CHD2: variants seen among roughly 807,000 people sequenced by gnomAD.
The protein encoded by CHD2 is chromodomain helicase DNA binding protein 2, also known as ATP-dependent chromatin remodeler CHD2.
A neutral mutation model predicts 243.9 loss-of-function variants in CHD2; 28 were observed. The ratio of observed to expected loss-of-function variants is 0.11; its 90% confidence interval spans 0.09 to 0.16. The LOEUF (loss-of-function observed/expected upper bound fraction) is 0.16. Among genes scored for constraint, CHD2 ranks in the 10% least tolerant of loss-of-function variants. The pLI, the probability that CHD2 is intolerant of heterozygous loss-of-function variation, is 1.00. For missense variants in CHD2, 1,386 were observed against 2,209.8 expected, an observed-to-expected ratio of 0.63 and a Z score of 7.47; for synonymous variants, 775 against 779.0, an observed-to-expected ratio of 0.99 and a Z score of 0.09.
chr15:93,009,478 T>G, intron 35 of CHD2, 155 bp downstream of exon 35: 1 of 669,700 alleles, frequency 1.5e-6, no homozygotes, highest in East Asian at 2.7e-5. Flanking sequence ...TAACTCCCTT[T>G]CCATGAAATA....
chr15:92,995,425 A>AATT (rs2054174800), intron 28 of CHD2, among the ~76,000 whole-genome samples: 1 of 152,106 alleles, frequency 6.6e-6, no homozygotes, highest in Non-Finnish European at 1.5e-5. Flanking sequence ...CCTCCTTAAT[A>AATT]GGTCACTGTT....
At position 92,946,022 on chromosome 15, in the gene CHD2, T is replaced by C; in HGVS notation, c.1199-16T>C. The C allele has an allele frequency of 6.5e-7, 1 of 1,546,038 alleles. No homozygotes were observed. Among genetic ancestry groups the C allele is most frequent in the Non-Finnish European group, 8.7e-7 (1 of 1,146,024 alleles). On this transcript the variant is annotated splice_polypyrimidine_tract_variant and intron_variant, in intron 11 of 38. Transcript: ENST00000394196. ...TTGACAGTTGCTAATCTATAAATTT[T>C]TTTTATATGAAATAGCTCATAGTCG... is the stretch of plus-strand genomic sequence containing the variant.
chr15:92,956,787 C>T (rs902664762), intron 16 of CHD2, 138 bp downstream of exon 16: 14 of 730,584 alleles, frequency 1.9e-5, no homozygotes, highest in Non-Finnish European at 2.6e-5. Flanking sequence ...GCAGGGATGG[C>T]GGTAGTAAAA....
chr15:93,020,212 T>C lies in CHD2; in HGVS notation c.5107T>C (p.Tyr1703His). 1.9e-6 allele frequency: 3 copies of C among 1,614,100 alleles called. No homozygotes were observed. Among genetic ancestry groups the C allele is most frequent in the Non-Finnish European group, 2.5e-6 (3 of 1,180,016 alleles). ...NMSRKRPYDQYSSDRDHRGHR... is the reference protein window; with the variant it reads ...NMSRKRPYDQHSSDRDHRGHR... ...GTCCAGAAAGAGGCCTTATGACCAG[T>C]ACAGCAGTGACCGAGACCACCGGGG... The change falls in exon 38 of 39, where the codon TAC (tyrosine) becomes CAC (histidine). Residue 1703 changes from tyrosine to histidine, a missense_variant. Coordinates refer to ENST00000394196, the MANE Select transcript of CHD2 (RefSeq NM_001271.4).
chr15:93,004,770 G>A lies in CHD2; in HGVS notation c.4413+19G>A. The A allele has an allele frequency of 1.9e-6, 3 of 1,606,460 alleles. No individual in the cohort carries two copies. The highest frequency in any genetic ancestry group is 2.6e-6 in the Non-Finnish European group (3 of 1,175,528). On this transcript the variant is annotated intron_variant, in intron 34 of 38. Transcript: ENST00000394196. ...CAGCATAGTAAGTCTTGAAATCGGG[G>A]GGTGCCAGTGTCTGCAGCCGCGGTA...
intron 5 of CHD2, among the ~76,000 whole-genome samples, chr15:92,930,415 CAT>C (rs1237445640): frequency 2.6e-5 from 4 of 152,010 alleles, no homozygotes; most frequent in African/African-American, 9.7e-5. Context: ...GTTACTGGCT[CAT>C]AGTCTTGTCA....
chr15:92,908,717 CTG>C (rs2052669637), intron 2 of CHD2, among the ~76,000 whole-genome samples: 1 of 152,134 alleles, frequency 6.6e-6, no homozygotes, highest in Non-Finnish European at 1.5e-5. Flanking sequence ...GTTAGGACCT[CTG>C]GAAGCAAAAG....
In CHD2 at chr15:92,972,079, T is replaced by A. The variant is rs989052460; in HGVS notation, c.2352+152T>A. The A allele has an allele frequency of 2.6e-5, 28 of 1,067,136 alleles. No homozygotes were observed. In the African/African-American group the frequency reaches 3.2e-4, roughly 12 times the overall value. 66.1% of individuals were successfully genotyped at this position (1,067,136 alleles called of 1,614,324 possible). A position where few individuals can be genotyped will look rare whatever the true frequency, so the allele number is the denominator to read the frequency against. On this transcript the variant is annotated intron_variant, in intron 18 of 38. Transcript: ENST00000394196. ...GAGAGAAAAGGTAACTAAGAATGATTTGGAAAGTAAAGTATAGTATCAACA... is the reference window on the plus strand; with the variant it reads ...GAGAGAAAAGGTAACTAAGAATGATATGGAAAGTAAAGTATAGTATCAACA...
At chr15:92,946,391 G>T (rs1238503826) in intron 12 of CHD2, 175 bp downstream of exon 12, 2 of 454,296 alleles carry the variant, frequency 4.4e-6, no homozygotes, top group African/African-American at 4.0e-5. Context: ...TTATTTCATG[G>T]CTTTGCTGAC....
intron 28 of CHD2, among the ~76,000 whole-genome samples, chr15:92,994,236 A>G (rs1478997956): frequency 6.6e-6 from 1 of 152,236 alleles, no homozygotes; most frequent in Non-Finnish European, 1.5e-5. Flanking sequence ...CTCATTTGCA[A>G]AATAGAGTAA....
At position 93,027,272 on chromosome 15, in the gene CHD2, T is replaced by C. The variant is rs892084892; in HGVS notation, c.*2567T>C. On this transcript the variant is annotated 3_prime_UTR_variant, in exon 39 of 39. Coordinates refer to ENST00000394196, the MANE Select transcript of CHD2 (RefSeq NM_001271.4). The stretch of plus-strand genomic sequence containing the variant: ...GCCCCAGGAATCTGTGAGGATGGTA[T>C]TCCCTGGAGTCTGGCTTTGAAAGAT... 1 of 152,368 alleles carries C rather than the reference T, an allele frequency of 6.6e-6. No individual in the cohort carries two copies. The highest frequency in any genetic ancestry group is 1.5e-5 in the Non-Finnish European group (1 of 68,044). 9.4% of individuals were successfully genotyped at this position (152,368 alleles called of 1,614,324 possible). A position where few individuals can be genotyped will look rare whatever the true frequency, so the allele number is the denominator to read the frequency against.
rs115499760 is a variant in CHD2 at position 92,952,778 on chromosome 15, G to T, written c.1503-579G>T. ...TCAGAATCTCCAAAGGTGTTTGTCA[G>T]CCCTTTTCCATATATTGTTTAGTAT... On this transcript the variant is annotated intron_variant, in intron 13 of 38. Coordinates refer to ENST00000394196, the MANE Select transcript of CHD2 (RefSeq NM_001271.4). 6.7e-3 allele frequency among the ~76,000 whole-genome samples: 1,028 copies of T among 152,328 alleles called. 11 individuals carry two copies. The highest frequency in any genetic ancestry group is 0.022 in the African/African-American group (934 of 41,568).
At position 92,954,500 on chromosome 15, in the gene CHD2, C is replaced by CT. The variant is rs561414239; in HGVS notation, c.1720-920dup. On this transcript the variant is annotated intron_variant, in intron 14 of 38. Transcript: ENST00000394196. ...AATTCAAATTTATTTTTGGTAAATA[C>CT]TTTCATTAAAATTGTGTAACTTAAA... is the stretch of plus-strand genomic sequence containing the variant. Among the ~76,000 whole-genome samples the CT allele has an allele frequency of 3.0e-3, 454 of 152,250 alleles. 1 individual carries two copies. The highest frequency in any genetic ancestry group is 5.2e-3 in the Admixed American group (80 of 15,288).
chr15:92,954,005 T>C (rs928794348), intron 14 of CHD2: 1 of 158,270 alleles, frequency 6.3e-6, no homozygotes, highest in Non-Finnish European at 1.4e-5. Flanking sequence ...AAAAAAGGAA[T>C]AAAAGTAAAG....
chr15:92,973,190 C>T (rs79244356), intron 19 of CHD2, among the ~76,000 whole-genome samples: 2,055 of 152,214 alleles, frequency 0.014, 40 homozygotes, highest in African/African-American at 0.047. Flanking sequence ...TTGCTACTCC[C>T]TGAAGTAAGT....
At chr15:92,965,480 C>T (rs1311544468) in intron 16 of CHD2, 1 of 149,016 alleles carries the variant, frequency 6.7e-6, no homozygotes, top group East Asian at 2.0e-4. Flanking sequence ...GGCGTCAACC[C>T]AGGAGCCCAG....
intron 27 of CHD2, 25 bp from the exon 28 acceptor site, chr15:92,992,834 T>C: frequency 6.2e-7 from 1 of 1,610,006 alleles, no homozygotes; most frequent in Admixed American, 1.7e-5. Flanking sequence ...GGTCCTAAAG[T>C]GTCCCCATAT....
At chr15:93,015,465 G>A (rs1434036954) in intron 37 of CHD2, among the ~76,000 whole-genome samples, 1 of 152,068 alleles carries the variant, frequency 6.6e-6, no homozygotes, top group East Asian at 1.9e-4. Context: ...TTTACATTCT[G>A]TATGACAGTG....
At chr15:93,014,951 T>C in intron 37 of CHD2, 42 bp downstream of exon 37, 1 of 1,536,110 alleles carries the variant, frequency 6.5e-7, no homozygotes, top group East Asian at 2.3e-5. Context: ...TGCCAAAAGA[T>C]AAAAAATTCA....
Sources: allele counts gnomAD v4.1 joint callset (sites outside exome capture counted in the v4.1 genomes callset), GRCh38; gene constraint gnomAD v4.1.1; transcripts MANE v1.5; gene names NCBI Gene and HGNC (gene_info 2026-07-23, HGNC 2026-07-21).